HHAT: variants seen among roughly 807,000 people sequenced by gnomAD.
HHAT encodes the protein protein-cysteine N-palmitoyltransferase HHAT.
HHAT carries 47 observed loss-of-function variants against 70.8 expected under a neutral mutation model. The observed-to-expected ratio is 0.66, with a 90% CI of 0.53 to 0.85. The LOEUF is 0.85. Ranked by LOEUF, HHAT falls within the 40% of genes least tolerant of loss-of-function variation. HHAT has a pLI of 0.00. For missense variants in HHAT, 609 were observed against 604.8 expected, an observed-to-expected ratio of 1.01 and a Z score of -0.07; for synonymous variants, 228 against 247.6, an observed-to-expected ratio of 0.92 and a Z score of 0.74.
At chr1:210,450,550 G>A (rs1421781316) in intron 7 of HHAT, among the ~76,000 whole-genome samples, 2 of 150,540 alleles carry the variant, frequency 1.3e-5, no homozygotes, top group Non-Finnish European at 2.9e-5. Flanking sequence ...AGGCTGTAGT[G>A]CAGTGGCATG....
intron 11 of HHAT, among the ~76,000 whole-genome samples, chr1:210,666,814 C>T (rs1678988603): frequency 6.6e-6 from 1 of 151,996 alleles, no homozygotes; most frequent in South Asian, 2.1e-4. Flanking sequence ...ATTCTGGGGC[C>T]AGGTACCGTG....
intron 8 of HHAT, among the ~76,000 whole-genome samples, chr1:210,497,613 C>T (rs191781434): frequency 1.3e-5 from 2 of 152,290 alleles, no homozygotes; most frequent in Admixed American, 1.3e-4. Flanking sequence ...CACAGGTCTT[C>T]TCTGGCTTAA....
intron 11 of HHAT, among the ~76,000 whole-genome samples, chr1:210,625,976 G>C (rs564172313): frequency 6.6e-6 from 1 of 152,232 alleles, no homozygotes; most frequent in Admixed American, 6.5e-5. Context: ...TGCACCAGCT[G>C]TCTATGGCAC....
intron 7 of HHAT, among the ~76,000 whole-genome samples, chr1:210,462,189 T>G (rs2093993177): frequency 6.6e-6 from 1 of 152,254 alleles, no homozygotes; most frequent in Admixed American, 6.5e-5. Context: ...TGGCATCCTG[T>G]TAGCAGGGAG....
chr1:210,454,653 C>T (rs749076088), intron 7 of HHAT, among the ~76,000 whole-genome samples: 5 of 152,170 alleles, frequency 3.3e-5, no homozygotes, highest in Non-Finnish European at 7.3e-5. Context: ...ATCTTCTTCC[C>T]TGCATTTCTT....
intron 9 of HHAT, among the ~76,000 whole-genome samples, chr1:210,542,466 T>G (rs12127170): frequency 0.19 from 28,284 of 151,218 alleles, 3,252 homozygotes; most frequent in Middle Eastern, 0.28. Context: ...TGGACAGTTT[T>G]TGCCGCATCA....
At chr1:210,345,612 T>A (rs1452041487) in intron 1 of HHAT, among the ~76,000 whole-genome samples, 1 of 152,260 alleles carries the variant, frequency 6.6e-6, no homozygotes, top group Non-Finnish European at 1.5e-5. Context: ...AGTGTTTTGG[T>A]CTTTATTTAG....
At chr1:210,440,899 A>G (rs922204260) in intron 7 of HHAT, among the ~76,000 whole-genome samples, 1 of 152,232 alleles carries the variant, frequency 6.6e-6, no homozygotes, top group African/African-American at 2.4e-5. Context: ...TGGAAGTAGG[A>G]GAAACCAACT....
chr1:210,341,681 A>G (rs2086052124), intron 1 of HHAT, among the ~76,000 whole-genome samples: 1 of 152,220 alleles, frequency 6.6e-6, no homozygotes, highest in African/African-American at 2.4e-5. Context: ...TTAAATTCCA[A>G]AGTAAATGCA....
chr1:210,579,474 C>T (rs977799830), intron 9 of HHAT, among the ~76,000 whole-genome samples: 4 of 152,086 alleles, frequency 2.6e-5, no homozygotes, highest in African/African-American at 9.7e-5. Context: ...TATACTTAAA[C>T]AATTGTTAGC....
At chr1:210,563,597 C>T (rs1163914277) in intron 9 of HHAT, among the ~76,000 whole-genome samples, 1 of 152,194 alleles carries the variant, frequency 6.6e-6, no homozygotes, top group East Asian at 1.9e-4. Context: ...GAGTTGGGAA[C>T]CACTTCTTAT....
Position 210,332,895 on chromosome 1 carries a change from TC to T in HHAT, c.-44+3796del, listed in dbSNP as rs1418149809. Among the ~76,000 whole-genome samples the T allele has an allele frequency of 7.9e-5, 12 of 152,306 alleles. No individual in the cohort carries two copies. In the South Asian group the frequency reaches 1.7e-3, roughly 21 times the overall value. ...AGTCTTCTGTCTCATCATTGGGTCT[TC>T]CCCCTTTTCAAAGAAGCTTACCAGT... On this transcript the variant is annotated intron_variant, in intron 1 of 11. Coordinates refer to ENST00000261458, the MANE Select transcript of HHAT (RefSeq NM_018194.6).
chr1:210,484,542 A>G (rs1183851119), intron 8 of HHAT, among the ~76,000 whole-genome samples: 1 of 151,636 alleles, frequency 6.6e-6, no homozygotes, highest in Non-Finnish European at 1.5e-5. Flanking sequence ...TATGGAAGAC[A>G]CTTGAAGACC....
At chr1:210,665,177 G>C (rs1367488281) in intron 11 of HHAT, among the ~76,000 whole-genome samples, 1 of 152,220 alleles carries the variant, frequency 6.6e-6, no homozygotes, top group Non-Finnish European at 1.5e-5. Flanking sequence ...TGACATTTAA[G>C]AATCATATTA....
At chr1:210,346,389 A>G (rs537672015) in intron 1 of HHAT, among the ~76,000 whole-genome samples, 6 of 152,362 alleles carry the variant, frequency 3.9e-5, no homozygotes, top group South Asian at 2.1e-4. Context: ...TTCCCACTAA[A>G]GGGAAGACTA....
At chr1:210,586,196 C>T (rs1175039853) in intron 9 of HHAT, among the ~76,000 whole-genome samples, 2 of 152,114 alleles carry the variant, frequency 1.3e-5, no homozygotes, top group Non-Finnish European at 2.9e-5. Flanking sequence ...GTAATCCTTG[C>T]ACTTGGGAGG....
At chr1:210,463,927 T>G (rs973030071) in intron 7 of HHAT, among the ~76,000 whole-genome samples, 1 of 152,132 alleles carries the variant, frequency 6.6e-6, no homozygotes, top group Admixed American at 6.5e-5. Flanking sequence ...ATGTATGAGG[T>G]GTGTGAGATA....
intron 6 of HHAT, among the ~76,000 whole-genome samples, chr1:210,406,721 T>C (rs951224167): frequency 9.2e-5 from 14 of 152,110 alleles, no homozygotes; most frequent in Admixed American, 1.3e-4. Flanking sequence ...CTAGTAAGAA[T>C]ATTAGAGGCC....
chr1:210,539,139 A>G (rs2095403834), intron 9 of HHAT, among the ~76,000 whole-genome samples: 1 of 152,198 alleles, frequency 6.6e-6, no homozygotes, highest in African/African-American at 2.4e-5. Flanking sequence ...TTTTTGAATT[A>G]TGGAACAAAA....
Sources: gnomAD v4.1 joint callset for allele counts (sites outside exome capture counted in the v4.1 genomes callset) on GRCh38, gnomAD v4.1.1 for gene constraint, MANE v1.5 for transcripts, NCBI Gene and HGNC (gene_info 2026-07-23, HGNC 2026-07-21) for gene names.